Variants in HPSE2 observed in about 807,000 individuals in gnomAD.
The protein encoded by HPSE2 is inactive heparanase-2.
Under a neutral mutation model 60.5 loss-of-function variants are expected in HPSE2, and 38 were observed. The observed-to-expected ratio is 0.63, with a 90% CI of 0.48 to 0.82. The LOEUF is 0.82. Ranked by LOEUF, HPSE2 falls within the 40% of genes least tolerant of loss-of-function variation. The pLI, the probability that HPSE2 is intolerant of heterozygous loss-of-function variation, is 0.00. For missense variants in HPSE2, 713 were observed against 740.4 expected (o/e 0.96, Z 0.43); for synonymous variants, 295 against 293.2 (o/e 1.01, Z -0.06).
the HPSE2 span, among the ~76,000 whole-genome samples, chr10:99,283,123 T>C: frequency 6.7e-6 from 1 of 150,338 alleles, no homozygotes; most frequent in African/African-American, 2.5e-5. Flanking sequence ...AAGGCAGAGC[T>C]TGCAGTGAGC....
At chr10:99,287,984 A>C in the HPSE2 span, among the ~76,000 whole-genome samples, 2 of 152,242 alleles carry the variant, frequency 1.3e-5, 1 homozygote, top group Non-Finnish European at 2.9e-5. Flanking sequence ...TAGAAGCTGT[A>C]GCTAAAGGGG....
At chr10:98,895,908 G>A (rs1480244878) in intron 3 of HPSE2, among the ~76,000 whole-genome samples, 2 of 130,446 alleles carry the variant, frequency 1.5e-5, no homozygotes, top group Non-Finnish European at 3.2e-5. Context: ...ACACAGGAAG[G>A]GGAACATCAC....
In HPSE2 at chr10:98,834,847, A is replaced by C. The variant is rs575752561; in HGVS notation, c.611-90791T>G. Among the ~76,000 whole-genome samples, 6 of 152,296 alleles carry C rather than the reference A, an allele frequency of 3.9e-5. No homozygotes were observed. The South Asian group carries it at 1.0e-3, about 26-fold the overall frequency. ...GCTTTAAAAAGATTTGCAAAAATGT[A>C]AAACAATGTCATTCTTCTCACCAGG... On this transcript the variant is annotated intron_variant, in intron 3 of 11. Transcript: ENST00000370552.
chr10:99,277,701 GTCATA>G, the HPSE2 span, among the ~76,000 whole-genome samples: 3 of 152,070 alleles, frequency 2.0e-5, no homozygotes, highest in Non-Finnish European at 4.4e-5. Flanking sequence ...GTGTATAAAT[GTCATA>G]TGCACAATAC....
chr10:98,794,965 G>A (rs1389553924), intron 3 of HPSE2, among the ~76,000 whole-genome samples: 2 of 146,026 alleles, frequency 1.4e-5, no homozygotes, highest in Admixed American at 6.8e-5. Flanking sequence ...CCATAGCCAA[G>A]GGAGGGGAGG....
At chr10:98,798,059 G>A (rs2134511181) in intron 3 of HPSE2, among the ~76,000 whole-genome samples, 1 of 152,158 alleles carries the variant, frequency 6.6e-6, no homozygotes, top group Non-Finnish European at 1.5e-5. Context: ...ATAAGGAAAG[G>A]ACCCTAAAAG....
chr10:98,580,836 A>ATGTG (rs1244040035), intron 9 of HPSE2, among the ~76,000 whole-genome samples: 2,670 of 119,540 alleles, frequency 0.022, 95 homozygotes, highest in African/African-American at 0.066. Flanking sequence ...ATATATATAT[A>ATGTG]TGTGTGTGTG....
At chr10:99,168,642 G>A (rs550291324) in intron 2 of HPSE2, among the ~76,000 whole-genome samples, 4 of 152,228 alleles carry the variant, frequency 2.6e-5, no homozygotes, top group African/African-American at 9.6e-5. Flanking sequence ...CAAAGGGGAA[G>A]GAATATTTAG....
the HPSE2 span, among the ~76,000 whole-genome samples, chr10:99,305,973 G>GCACACACACACACA: frequency 4.2e-3 from 187 of 44,020 alleles, 1 homozygote; most frequent in Middle Eastern, 0.022. Context: ...GCGCGCGCGC[G>GCACACACACACACA]CGCGCGCACA....
At chr10:98,602,800 T>C (rs1452941108) in intron 9 of HPSE2, among the ~76,000 whole-genome samples, 1 of 152,084 alleles carries the variant, frequency 6.6e-6, no homozygotes, top group Non-Finnish European at 1.5e-5. Flanking sequence ...TGTACAAAAA[T>C]TAACTCAAAT....
chr10:98,912,827 T>C (rs1299134802), intron 3 of HPSE2, among the ~76,000 whole-genome samples: 1 of 151,002 alleles, frequency 6.6e-6, no homozygotes, highest in Non-Finnish European at 1.5e-5. Context: ...GGTTAATGGG[T>C]ACAAAAAAAA....
intron 9 of HPSE2, among the ~76,000 whole-genome samples, chr10:98,510,880 T>C (rs1942367064): frequency 1.3e-5 from 2 of 152,210 alleles, no homozygotes; most frequent in South Asian, 4.1e-4. Flanking sequence ...GAACCACTTG[T>C]AGTACTTTGG....
At chr10:99,160,343 T>G (rs1846777265) in intron 2 of HPSE2, among the ~76,000 whole-genome samples, 1 of 152,050 alleles carries the variant, frequency 6.6e-6, no homozygotes, top group African/African-American at 2.4e-5. Flanking sequence ...CATTATTCAT[T>G]AGAGAAATGC....
intron 3 of HPSE2, among the ~76,000 whole-genome samples, chr10:98,792,234 C>T (rs1331668619): frequency 6.6e-6 from 1 of 151,958 alleles, no homozygotes; most frequent in Non-Finnish European, 1.5e-5. Flanking sequence ...TAAATCTAAT[C>T]TGTACACACT....
intron 3 of HPSE2, among the ~76,000 whole-genome samples, chr10:98,870,231 A>G (rs756810646): frequency 6.6e-6 from 1 of 152,194 alleles, no homozygotes; most frequent in Non-Finnish European, 1.5e-5. Context: ...CCTTTCAATG[A>G]TCAGAACCCA....
intron 9 of HPSE2, among the ~76,000 whole-genome samples, chr10:98,549,919 C>A (rs1384904203): frequency 6.6e-6 from 1 of 152,174 alleles, no homozygotes; most frequent in African/African-American, 2.4e-5. Context: ...CACGGTTCAG[C>A]TCTATATGTG....
intron 3 of HPSE2, among the ~76,000 whole-genome samples, chr10:98,755,533 C>T (rs904188230): frequency 6.6e-6 from 1 of 152,178 alleles, no homozygotes; most frequent in African/African-American, 2.4e-5. Context: ...CAGATATCTG[C>T]AGAACACTCC....
the HPSE2 span, among the ~76,000 whole-genome samples, chr10:99,253,940 TA>T: frequency 6.6e-6 from 1 of 151,744 alleles, no homozygotes; most frequent in Non-Finnish European, 1.5e-5. Context: ...AGCTATTATT[TA>T]AAAAAGGAAT....
rs150919603 is a variant in HPSE2 at position 98,731,733 on chromosome 10, T to C, written c.785-9905A>G. Among the ~76,000 whole-genome samples the C allele has an allele frequency of 1.5e-3, 236 of 152,328 alleles. 2 individuals are homozygous for C. Among genetic ancestry groups the C allele is most frequent in the African/African-American group, 5.3e-3 (220 of 41,574 alleles). On this transcript the variant is annotated intron_variant, in intron 4 of 11. Transcript: ENST00000370552. ...AAGGAGAAGACAAGGATGTCTGCTC[T>C]TGCCACTTAAGAGTCAACATTTGTA...
Sources: allele counts gnomAD v4.1 joint callset (sites outside exome capture counted in the v4.1 genomes callset), GRCh38; gene constraint gnomAD v4.1.1; transcripts MANE v1.5; gene names NCBI Gene and HGNC (gene_info 2026-07-23, HGNC 2026-07-21).